Variants in PCDHA4 observed in about 807,000 individuals in gnomAD.
The protein encoded by PCDHA4 is protocadherin alpha 4.
PCDHA4 carries 49 observed loss-of-function variants against 61.4 expected under a neutral mutation model. That is an observed-to-expected ratio of 0.80 (90% CI 0.63 to 1.01). The LOEUF (loss-of-function observed/expected upper bound fraction) is 1.01. PCDHA4 is among the 50% of genes least tolerant of loss of function. The pLI, the probability that PCDHA4 is intolerant of heterozygous loss-of-function variation, is 0.00. For missense variants in PCDHA4, 1,254 were observed against 1,235.8 expected, an observed-to-expected ratio of 1.01 and a Z score of -0.22; for synonymous variants, 590 against 550.3, an observed-to-expected ratio of 1.07 and a Z score of -1.01.
At chr5:140,886,899 A>G (rs1054848231) in intron 1 of PCDHA4, among the ~76,000 whole-genome samples, 1 of 152,020 alleles carries the variant, frequency 6.6e-6, no homozygotes, top group Admixed American at 6.6e-5. Flanking sequence ...AATGCATTTA[A>G]TAAATACTTA....
At chr5:140,836,432 G>T in intron 1 of PCDHA4, 3 of 1,613,830 alleles carry the variant, frequency 1.9e-6, no homozygotes, top group South Asian at 1.1e-5. Flanking sequence ...CGCGGGCATC[G>T]TTGGGCATTG....
In PCDHA4 at chr5:140,982,507, G is replaced by A. The variant is rs555523473; in HGVS notation, c.2477G>A (p.Arg826Gln). 21 of 1,614,138 alleles carry A rather than the reference G, an allele frequency of 1.3e-5. No individual in the cohort carries two copies. The highest frequency in any genetic ancestry group is 4.0e-5 in the African/African-American group (3 of 75,040). ...CACCTAGAGGAGGCTGGCATTCTAC[G>A]GGCTGGTCCAGGAGGGCCTGATCAG... is the stretch of plus-strand genomic sequence containing the variant. ...SVHLEEAGILRAGPGGPDQQW... is the reference protein window; with the variant it reads ...SVHLEEAGILQAGPGGPDQQW... The change falls in exon 3 of 4, where the codon CGG (arginine) becomes CAG (glutamine). Residue 826 changes from arginine (R) to glutamine (Q), a missense_variant. Arg to Gln is a conservative substitution (Grantham distance 43). Coordinates refer to ENST00000530339, the MANE Select transcript of PCDHA4 (RefSeq NM_018907.4).
chr5:140,884,733 T>A (rs782206169), intron 1 of PCDHA4: 2 of 1,448,004 alleles, frequency 1.4e-6, no homozygotes, highest in African/African-American at 1.4e-5. Flanking sequence ...GTTTAAGACA[T>A]CTTTCCTGCC....
At chr5:140,849,996 G>A (rs2150462323) in intron 1 of PCDHA4, 4 of 1,597,014 alleles carry the variant, frequency 2.5e-6, no homozygotes, top group African/African-American at 2.7e-5. Flanking sequence ...GCGGTTGGGC[G>A]AGCGCTCGCT....
chr5:140,853,955 T>C (rs1554146923), intron 1 of PCDHA4: 2 of 752,526 alleles, frequency 2.7e-6, no homozygotes, highest in Non-Finnish European at 3.3e-6. Context: ...GGTCCCTTCC[T>C]TGAGCCCAGC....
At chr5:140,960,511 C>T (rs2153725482) in intron 1 of PCDHA4, among the ~76,000 whole-genome samples, 1 of 152,156 alleles carries the variant, frequency 6.6e-6, no homozygotes, top group East Asian at 1.9e-4. Context: ...AAGCAGCAAA[C>T]ATAATGGGTA....
Position 140,850,482 on chromosome 5 carries a change from G to T in PCDHA4, c.2385+40910G>T, listed in dbSNP as rs2150486061. On this transcript the variant is annotated intron_variant, in intron 1 of 3. Coordinates refer to ENST00000530339, the MANE Select transcript of PCDHA4 (RefSeq NM_018907.4). ...CGGGGAGCCAGCGCTGACGGCCACG[G>T]CCACTGTGCTGGTGTCGCTGGTGGA... 5 of 1,598,110 alleles carry T rather than the reference G, an allele frequency of 3.1e-6. No homozygotes were observed. The South Asian group carries it at 5.5e-5, about 18-fold the overall frequency.
intron 1 of PCDHA4, among the ~76,000 whole-genome samples, chr5:140,890,087 A>G (rs1284769572): frequency 6.6e-6 from 1 of 152,170 alleles, no homozygotes; most frequent in African/African-American, 2.4e-5. Context: ...TGATAATGCA[A>G]ATTTATTCCC....
intron 1 of PCDHA4, among the ~76,000 whole-genome samples, chr5:140,958,951 A>C (rs1212039253): frequency 6.6e-6 from 1 of 151,992 alleles, no homozygotes; most frequent in Non-Finnish European, 1.5e-5. Flanking sequence ...ATATTATATT[A>C]TTATAATTGT....
chr5:140,884,101 G>T lies in PCDHA4; in HGVS notation c.2385+74529G>T, dbSNP rs782222820. 6 of 1,613,486 alleles carry T rather than the reference G, an allele frequency of 3.7e-6. No individual in the cohort carries two copies. The highest frequency in any genetic ancestry group is 3.3e-4 in the Middle Eastern group (2 of 6,042). On this transcript the variant is annotated intron_variant, in intron 1 of 3. Coordinates refer to ENST00000530339, the MANE Select transcript of PCDHA4 (RefSeq NM_018907.4). ...ACAATGCGTGGCTTTCGTATGAATT[G>T]CAGCTGGCGGCGGTCGGCGCGCGCA...
intron 1 of PCDHA4, chr5:140,823,513 G>T: frequency 6.2e-7 from 1 of 1,613,474 alleles, no homozygotes; most frequent in Non-Finnish European, 8.5e-7. Context: ...GAGCGAGCTG[G>T]TGCCGAGGTC....
At chr5:140,834,834 C>T in intron 1 of PCDHA4, 1 of 1,611,930 alleles carries the variant, frequency 6.2e-7, no homozygotes, top group Non-Finnish European at 8.5e-7. Context: ...GCTTGACTCT[C>T]GGTTTCCACT....
chr5:140,950,040 C>A (rs1053592525), intron 1 of PCDHA4, among the ~76,000 whole-genome samples: 2 of 151,718 alleles, frequency 1.3e-5, no homozygotes, highest in Non-Finnish European at 3.0e-5. Flanking sequence ...AAGTTACAAC[C>A]ATATAAGACT....
At chr5:140,927,827 C>T (rs1554205116) in intron 1 of PCDHA4, 2 of 1,614,100 alleles carry the variant, frequency 1.2e-6, no homozygotes, top group South Asian at 2.2e-5. Flanking sequence ...TACATTGAGG[C>T]GAGGGACGAA....
At chr5:140,874,890 C>A (rs150583747) in intron 1 of PCDHA4, among the ~76,000 whole-genome samples, 2 of 152,276 alleles carry the variant, frequency 1.3e-5, no homozygotes, top group Admixed American at 1.3e-4. Context: ...TCCTAACTTT[C>A]TCTAAAATCT....
In PCDHA4 at chr5:140,869,686, A is replaced by T. The variant is rs782130952; in HGVS notation, c.2385+60114A>T. ...TAAGCAGATTAAAAGACTGTCACTT[A>T]TTTTAAAGAAGTCTCTGGATAGAGA... On this transcript the variant is annotated intron_variant, in intron 1 of 3. Transcript: ENST00000530339. The T allele has an allele frequency of 5.6e-6, 9 of 1,613,330 alleles. No homozygotes were observed. In the African/African-American group the frequency reaches 1.2e-4, roughly 22 times the overall value.
At chr5:140,939,253 G>C (rs1399135372) in intron 1 of PCDHA4, among the ~76,000 whole-genome samples, 2 of 152,060 alleles carry the variant, frequency 1.3e-5, no homozygotes, top group African/African-American at 4.8e-5. Context: ...TAGCTCTCTG[G>C]AACCTCTTTT....
intron 1 of PCDHA4, among the ~76,000 whole-genome samples, chr5:140,906,601 A>G (rs1337843589): frequency 6.6e-6 from 1 of 152,156 alleles, no homozygotes; most frequent in Non-Finnish European, 1.5e-5. Flanking sequence ...TCTACTACTC[A>G]TTCTGTATTC....
intron 1 of PCDHA4, among the ~76,000 whole-genome samples, chr5:140,940,668 C>T (rs1475667382): frequency 3.3e-5 from 5 of 152,166 alleles, no homozygotes; most frequent in African/African-American, 1.2e-4. Flanking sequence ...AAATCTTCAT[C>T]TGATAATTCC....
Sources: gnomAD v4.1 joint callset for allele counts (sites outside exome capture counted in the v4.1 genomes callset) on GRCh38, gnomAD v4.1.1 for gene constraint, MANE v1.5 for transcripts, NCBI Gene and HGNC (gene_info 2026-07-23, HGNC 2026-07-21) for gene names.